Variants in IDH1 observed in about 807,000 individuals in gnomAD.
IDH1 encodes isocitrate dehydrogenase (NADP(+)) 1, also known as isocitrate dehydrogenase [NADP] cytoplasmic.
A neutral mutation model predicts 46.1 loss-of-function variants in IDH1; 33 were observed. The observed-to-expected ratio is 0.72, with a 90% CI of 0.54 to 0.96. IDH1 has a LOEUF of 0.96. IDH1 is among the 40% of genes least tolerant of loss of function. The pLI, the probability that IDH1 is intolerant of heterozygous loss-of-function variation, is 0.00. For synonymous variants in IDH1, 144 were observed against 172.8 expected (o/e 0.83, Z 1.31); for missense variants, 421 against 515.7 (o/e 0.82, Z 1.78).
At position 208,236,507 on chromosome 2, in the gene IDH1, A is replaced by G. The variant is rs1351421540; in HGVS notation, c.*572T>C. On this transcript the variant is annotated 3_prime_UTR_variant, in exon 10 of 10. Transcript: ENST00000345146. Reference sequence around the variant, plus strand: ...TTCCAAACTCTCCTGCGGCCTAAACAGTATTTAGTCTATTGGAAACATTCA... The same window carrying G: ...TTCCAAACTCTCCTGCGGCCTAAACGGTATTTAGTCTATTGGAAACATTCA... The G allele has an allele frequency of 4.3e-6, 1 of 233,784 alleles. No homozygotes were observed. Among genetic ancestry groups the G allele is most frequent in the Non-Finnish European group, 8.4e-6 (1 of 118,590 alleles). 14.5% of individuals were successfully genotyped at this position (233,784 alleles called of 1,614,324 possible).
intron 6 of IDH1, 40 bp from the exon 7 acceptor site, chr2:208,242,185 AT>A: frequency 2.5e-6 from 4 of 1,597,642 alleles, no homozygotes; most frequent in Non-Finnish European, 3.4e-6. Context: ...AATAAAGAAA[AT>A]TGATTTTGTT....
intron 4 of IDH1, 118 bp from the exon 5 acceptor site, chr2:208,245,542 ACTT>A (rs1157240415): frequency 3.1e-5 from 12 of 390,394 alleles, no homozygotes; most frequent in African/African-American, 2.3e-4. Context: ...AGTATGTCAA[ACTT>A]CTTTTTTTTT....
chr2:208,242,068 A>G lies in IDH1; in HGVS notation c.776T>C (p.Met259Thr), dbSNP rs1687929118. ...CCAGATGAAGCCTCCCTCTGATTTCATAGCTTGGGCCACCATGTCGTCGAT... is the reference window on the plus strand; with the variant it reads ...CCAGATGAAGCCTCCCTCTGATTTCGTAGCTTGGGCCACCATGTCGTCGAT... ...RLIDDMVAQA[M>T]KSEGGFIWAC... The change falls in exon 7 of 10, where the codon ATG becomes ACG. Residue 259 changes from methionine to threonine, a missense_variant. Transcript: ENST00000345146. 1 of 1,613,456 alleles carries G rather than the reference A, an allele frequency of 6.2e-7. No individual in the cohort carries two copies. Among genetic ancestry groups the G allele is most frequent in the Non-Finnish European group, 8.5e-7 (1 of 1,179,862 alleles).
At chr2:208,253,431 T>C (rs1688158483) in intron 2 of IDH1, among the ~76,000 whole-genome samples, 1 of 152,196 alleles carries the variant, frequency 6.6e-6, no homozygotes, top group African/African-American at 2.4e-5. Flanking sequence ...TGGACTGACT[T>C]CTCCACCTTT....
chr2:208,252,199 G>A (rs1688138060), intron 2 of IDH1, among the ~76,000 whole-genome samples: 1 of 152,220 alleles, frequency 6.6e-6, no homozygotes, highest in African/African-American at 2.4e-5. Context: ...TGGTGGAACT[G>A]TTTTCCTAGA....
chr2:208,248,784 G>T (rs1031817916), intron 3 of IDH1, 124 bp from the exon 4 acceptor site: 4 of 883,498 alleles, frequency 4.5e-6, no homozygotes, highest in Middle Eastern at 3.0e-4. Context: ...ACCAAAATCT[G>T]CCAAGTTTTA....
chr2:208,242,484 T>C (rs748344326), intron 6 of IDH1, among the ~76,000 whole-genome samples: 1 of 152,208 alleles, frequency 6.6e-6, no homozygotes, highest in Non-Finnish European at 1.5e-5. Context: ...ATTTTTAAAA[T>C]ACATTTTTGA....
Position 208,237,855 on chromosome 2 carries a change from G to A in IDH1, c.1155-686C>T, listed in dbSNP as rs544075193. ...GCAGAAGAATCACTTGAACCCAGGA[G>A]GCGGAGGTTGCAGTGAGCGAAGATC... is the stretch of plus-strand genomic sequence containing the variant. On this transcript the variant is annotated intron_variant, in intron 9 of 9. Coordinates refer to ENST00000345146, the MANE Select transcript of IDH1 (RefSeq NM_005896.4). Among the ~76,000 whole-genome samples the A allele has an allele frequency of 7.9e-5, 12 of 151,560 alleles. No homozygotes were observed. In the East Asian group the frequency reaches 2.2e-3, roughly 28 times the overall value.
intron 2 of IDH1, among the ~76,000 whole-genome samples, chr2:208,252,574 T>G (rs966730): frequency 0.97 from 147,169 of 152,298 alleles, 71,319 homozygotes; most frequent in East Asian, 1. Context: ...TAATCGAAAC[T>G]CTTTTTTAAT....
rs1283715439 is a variant in IDH1, at chr2:208,242,241, G to GC, written c.699-97_699-96insG. 15 of 1,138,776 alleles carry GC rather than the reference G, an allele frequency of 1.3e-5. No homozygotes were observed. The African/African-American group carries it at 1.7e-4, about 13-fold the overall frequency. 70.5% of individuals were successfully genotyped at this position (1,138,776 alleles called of 1,614,324 possible). A position where few individuals can be genotyped will look rare whatever the true frequency, so the allele number is the denominator to read the frequency against. On this transcript the variant is annotated intron_variant, in intron 6 of 9. Coordinates refer to ENST00000345146, the MANE Select transcript of IDH1 (RefSeq NM_005896.4). ...CCCAAACAGAAGACCGGACACACAA[G>GC]AAGCAGCATATTTTAGTAGAAGTAG...
chr2:208,251,243 CCT>C, intron 3 of IDH1, 185 bp downstream of exon 3: 1 of 494,356 alleles, frequency 2.0e-6, no homozygotes, highest in Non-Finnish European at 3.6e-6. Context: ...TTTCTCCTTC[CCT>C]TTTTTTTCCT....
chr2:208,248,188 G>GCT, intron 4 of IDH1, 181 bp downstream of exon 4: 1 of 615,894 alleles, frequency 1.6e-6, no homozygotes, highest in East Asian at 2.8e-5. Context: ...AAGTTTATTT[G>GCT]TATTTGCCTT....
rs149783383 is a variant in IDH1 at position 208,246,968 on chromosome 2, C to T, written c.414+1401G>A. 3.5e-3 allele frequency among the ~76,000 whole-genome samples: 536 copies of T among 152,184 alleles called. 3 individuals are homozygous for T. Among genetic ancestry groups the T allele is most frequent in the African/African-American group, 0.012 (504 of 41,546 alleles). The stretch of plus-strand genomic sequence containing the variant: ...AAAAACAAAAAACAAAAAGGATATA[C>T]GCAGAAAAAAGGCACGACTGAACTG... On this transcript the variant is annotated intron_variant, in intron 4 of 9. Coordinates refer to ENST00000345146, the MANE Select transcript of IDH1 (RefSeq NM_005896.4).
intron 5 of IDH1, 61 bp downstream of exon 5, chr2:208,245,258 A>C (rs1687993993): frequency 2.2e-6 from 2 of 903,070 alleles, no homozygotes; most frequent in Non-Finnish European, 1.8e-6. Flanking sequence ...AAAAGCAATA[A>C]AAATATTATC....
intron 5 of IDH1, among the ~76,000 whole-genome samples, chr2:208,244,154 C>T (rs556437814): frequency 6.6e-6 from 1 of 152,292 alleles, no homozygotes; most frequent in South Asian, 2.1e-4. Context: ...GGACCTCCCC[C>T]TTCTCTTTCT....
chr2:208,251,593 C>T (rs745513295), intron 2 of IDH1, 26 bp from the exon 3 acceptor site: 2 of 1,578,864 alleles, frequency 1.3e-6, no homozygotes, highest in South Asian at 2.2e-5. Flanking sequence ...AAATACATGC[C>T]TTGTCATTTA....
chr2:208,245,205 G>A (rs2124856553), intron 5 of IDH1, 114 bp downstream of exon 5: 1 of 692,792 alleles, frequency 1.4e-6, no homozygotes, highest in Non-Finnish European at 2.5e-6. Flanking sequence ...CAAAAACACT[G>A]TAGATTCAGA....
intron 6 of IDH1, among the ~76,000 whole-genome samples, chr2:208,243,160 G>A (rs1343349189): frequency 1.3e-5 from 2 of 152,178 alleles, no homozygotes; most frequent in African/African-American, 4.8e-5. Context: ...ATCACTAACA[G>A]CGTACGTTTA....
intron 3 of IDH1, 86 bp from the exon 4 acceptor site, chr2:208,248,746 T>C: frequency 6.2e-6 from 8 of 1,284,008 alleles, no homozygotes; most frequent in Non-Finnish European, 9.0e-6. Flanking sequence ...ATAGAGCTCA[T>C]TATGCAGAAA....
Sources: gnomAD v4.1 joint callset for allele counts (sites outside exome capture counted in the v4.1 genomes callset) on GRCh38, gnomAD v4.1.1 for gene constraint, MANE v1.5 for transcripts, NCBI Gene and HGNC (gene_info 2026-07-23, HGNC 2026-07-21) for gene names.